The following LRRC7 variants were observed in gnomAD, a reference collection of about 807,000 sequenced individuals.
The protein encoded by LRRC7 is leucine-rich repeat-containing protein 7.
Under a neutral mutation model 175.7 loss-of-function variants are expected in LRRC7, and 23 were observed. That is an observed-to-expected ratio of 0.13 (90% confidence interval 0.09 to 0.19). The LOEUF is 0.19. LRRC7 is among the 10% of genes least tolerant of loss of function. LRRC7 has a pLI of 1.00. For synonymous variants in LRRC7, 685 were observed against 680.9 expected (o/e 1.01, Z -0.09); for missense variants, 1,354 against 1,904.7 (o/e 0.71, Z 5.38).
intron 1 of LRRC7, among the ~76,000 whole-genome samples, chr1:69,670,058 G>A (rs1329890718): frequency 6.6e-6 from 1 of 152,090 alleles, no homozygotes; most frequent in African/African-American, 2.4e-5. Context: ...ACATATCTCT[G>A]TGTCTCCAAA....
chr1:70,125,250 G>T lies in LRRC7; in HGVS notation c.*3363G>T, dbSNP rs147922370. Among the ~76,000 whole-genome samples, 1 of 152,106 alleles carries T rather than the reference G, an allele frequency of 6.6e-6. No individual in the cohort carries two copies. Among genetic ancestry groups the T allele is most frequent in the African/African-American group, 2.4e-5 (1 of 41,494 alleles). On this transcript the variant is annotated 3_prime_UTR_variant, in exon 27 of 27. Transcript: ENST00000651989. ...ATTAGGTTGCTGAAAAAGTAATTGC[G>T]GTTTTTACCATTAAAAGTGCAGGCA...
chr1:69,703,757 T>C (rs74757773), intron 2 of LRRC7, among the ~76,000 whole-genome samples: 12,068 of 152,070 alleles, frequency 0.079, 605 homozygotes, highest in East Asian at 0.14. Context: ...TATTCATATG[T>C]ATTTGCTTCA....
At chr1:69,624,482 T>C (rs1651154728) in intron 1 of LRRC7, among the ~76,000 whole-genome samples, 1 of 152,136 alleles carries the variant, frequency 6.6e-6, no homozygotes, top group African/African-American at 2.4e-5. Flanking sequence ...TTTCCACTTA[T>C]CATTCAACGA....
intron 8 of LRRC7, among the ~76,000 whole-genome samples, chr1:69,966,666 TGAAATGGGAAAGGGA>T: frequency 6.6e-6 from 1 of 152,150 alleles, no homozygotes. Flanking sequence ...GCCCAAACCA[TGAAATGGGAAAGGGA>T]GATTGTCCGC....
In LRRC7 at chr1:70,122,429, C is replaced by G. The variant is rs999074716; in HGVS notation, c.*542C>G. On this transcript the variant is annotated 3_prime_UTR_variant, in exon 27 of 27. Transcript: ENST00000651989. Reference sequence around the variant, plus strand: ...AAATATATCTTAAAATAAGACTTTACTATATTGAATCTTTTTCAATAAAAA... The same window carrying G: ...AAATATATCTTAAAATAAGACTTTAGTATATTGAATCTTTTTCAATAAAAA... 1 of 152,072 alleles carries G rather than the reference C, an allele frequency of 6.6e-6. No individual in the cohort carries two copies. Among genetic ancestry groups the G allele is most frequent in the African/African-American group, 2.4e-5 (1 of 41,416 alleles). The allele number at this position is 152,072 out of a possible 1,614,324, so 9.4% of individuals were successfully genotyped here. A position where few individuals can be genotyped will look rare whatever the true frequency, so the allele number is the denominator to read the frequency against.
intron 2 of LRRC7, among the ~76,000 whole-genome samples, chr1:69,732,304 C>T (rs186799331): frequency 1.3e-5 from 2 of 151,114 alleles, no homozygotes; most frequent in Admixed American, 6.6e-5. Flanking sequence ...TTTTAAAGTT[C>T]GATAGATTTA....
intron 7 of LRRC7, among the ~76,000 whole-genome samples, chr1:69,902,467 A>G (rs1270446859): frequency 6.6e-6 from 1 of 152,122 alleles, no homozygotes; most frequent in Non-Finnish European, 1.5e-5. Flanking sequence ...GCTACTCAAG[A>G]GACTGAGGCA....
At chr1:69,832,571 T>C (rs1388741913) in intron 5 of LRRC7, among the ~76,000 whole-genome samples, 1 of 152,164 alleles carries the variant, frequency 6.6e-6, no homozygotes, top group Admixed American at 6.5e-5. Flanking sequence ...TACTATTTTA[T>C]ATTTACCAAA....
chr1:69,702,914 G>A (rs964863748), intron 2 of LRRC7, among the ~76,000 whole-genome samples: 2 of 152,056 alleles, frequency 1.3e-5, no homozygotes, highest in Non-Finnish European at 2.9e-5. Context: ...AGGGTGAGCA[G>A]TTTTATGACA....
At chr1:69,688,004 G>A (rs1345730147) in intron 2 of LRRC7, among the ~76,000 whole-genome samples, 2 of 152,164 alleles carry the variant, frequency 1.3e-5, no homozygotes, top group East Asian at 3.9e-4. Context: ...CAAGTTGTCA[G>A]CTGTTACTTT....
intron 8 of LRRC7, among the ~76,000 whole-genome samples, chr1:69,973,655 C>T (rs761164205): frequency 1.1e-4 from 16 of 152,212 alleles, no homozygotes; most frequent in Admixed American, 2.6e-4. Context: ...AGTGCAGTGG[C>T]GCAATCTTGG....
At chr1:69,801,195 G>C (rs141569386) in intron 4 of LRRC7, among the ~76,000 whole-genome samples, 22 of 151,716 alleles carry the variant, frequency 1.5e-4, no homozygotes, top group African/African-American at 5.3e-4. Context: ...TCGTGTCCTT[G>C]TCTGGCTTTG....
At chr1:69,831,652 T>G (rs1680540119) in intron 5 of LRRC7, among the ~76,000 whole-genome samples, 1 of 152,098 alleles carries the variant, frequency 6.6e-6, no homozygotes, top group Non-Finnish European at 1.5e-5. Flanking sequence ...TCTTTTCTAC[T>G]TCCATAAATC....
intron 24 of LRRC7, among the ~76,000 whole-genome samples, chr1:70,080,183 A>G (rs186012937): frequency 1.5e-3 from 225 of 152,326 alleles, no homozygotes; most frequent in African/African-American, 5.2e-3. Context: ...ATTGCTTTGA[A>G]AAGAAAAAGC....
chr1:70,078,446 C>T (rs1488220972), intron 24 of LRRC7, among the ~76,000 whole-genome samples: 1 of 152,158 alleles, frequency 6.6e-6, no homozygotes, highest in Non-Finnish European at 1.5e-5. Flanking sequence ...ATACCAGGAA[C>T]ATCAGCAAAC....
intron 7 of LRRC7, among the ~76,000 whole-genome samples, chr1:69,857,422 G>A (rs1683791087): frequency 6.6e-6 from 1 of 152,072 alleles, no homozygotes; most frequent in South Asian, 2.1e-4. Context: ...AAACTCTCAG[G>A]ATACAAAATC....
At chr1:69,605,264 C>G (rs1166000755) in intron 1 of LRRC7, among the ~76,000 whole-genome samples, 8 of 152,132 alleles carry the variant, frequency 5.3e-5, no homozygotes, top group Non-Finnish European at 1.2e-4. Context: ...GTAAGACGTG[C>G]CTTTGTTCCT....
At position 69,967,634 on chromosome 1, in the gene LRRC7, T is replaced by C. The variant is rs1486379312; in HGVS notation, c.712-12745T>C. 2.6e-5 allele frequency among the ~76,000 whole-genome samples: 4 copies of C among 152,154 alleles called. No homozygotes were observed. In the East Asian group the frequency reaches 5.8e-4, roughly 22 times the overall value. On this transcript the variant is annotated intron_variant, in intron 8 of 26. Transcript: ENST00000651989. ...AGATGGTTCACATTATAGGACTCTG[T>C]ACAGACAACCCCCAGTCCCAGCCCA... is the stretch of plus-strand genomic sequence containing the variant.
intron 18 of LRRC7, among the ~76,000 whole-genome samples, chr1:70,032,583 A>AT (rs1208256046): frequency 1.3e-5 from 2 of 152,118 alleles, no homozygotes. Flanking sequence ...CCTGTTCACC[A>AT]TCCCAAAATG....
Sources: allele counts gnomAD v4.1 joint callset (sites outside exome capture counted in the v4.1 genomes callset), GRCh38; gene constraint gnomAD v4.1.1; transcripts MANE v1.5; gene names NCBI Gene and HGNC (gene_info 2026-07-23, HGNC 2026-07-21).